The following TASP1 variants were observed in gnomAD, a reference collection of about 807,000 sequenced individuals.
TASP1 encodes threonine aspartase 1.
In TASP1, 16 loss-of-function variants were observed where a neutral mutation model predicts 56.6. The ratio of observed to expected loss-of-function variants is 0.28; its 90% confidence interval spans 0.19 to 0.43. The LOEUF is 0.43. Among genes scored for constraint, TASP1 ranks in the 20% least tolerant of loss-of-function variants. TASP1 has a pLI of 1.00. For synonymous variants in TASP1, 179 were observed against 184.2 expected, an observed-to-expected ratio of 0.97 and a Z score of 0.23; for missense variants, 393 against 511.6, an observed-to-expected ratio of 0.77 and a Z score of 2.24.
chr20:13,364,295 A>G, the TASP1 span, among the ~76,000 whole-genome samples: 8 of 152,150 alleles, frequency 5.3e-5, no homozygotes, highest in Admixed American at 4.6e-4. Context: ...ATGTTTGATG[A>G]TGAGAAATGA....
intron 13 of TASP1, chr20:13,393,562 C>T: frequency 1.2e-6 from 1 of 834,662 alleles, no homozygotes; most frequent in South Asian, 1.3e-5. Flanking sequence ...CATGCTGGGG[C>T]TGGCAATGCC....
chr20:13,333,764 C>T, the TASP1 span, among the ~76,000 whole-genome samples: 2 of 152,148 alleles, frequency 1.3e-5, no homozygotes, highest in Non-Finnish European at 2.9e-5. Flanking sequence ...GTTTTTATTA[C>T]TTTTTTATTT....
chr20:13,576,202 A>G, intron 6 of TASP1, among the ~76,000 whole-genome samples: 1 of 78,546 alleles, frequency 1.3e-5, no homozygotes, highest in Non-Finnish European at 2.4e-5. Context: ...ATTCCGAGAC[A>G]GAAGGGGGAG....
chr20:13,593,629 G>A (rs2047619331), intron 4 of TASP1, among the ~76,000 whole-genome samples: 2 of 152,208 alleles, frequency 1.3e-5, no homozygotes, highest in Non-Finnish European at 2.9e-5. Flanking sequence ...CAACCTGCGA[G>A]GCTGCAGCCT....
chr20:13,498,854 C>G (rs1254957037), intron 10 of TASP1, among the ~76,000 whole-genome samples: 1 of 149,632 alleles, frequency 6.7e-6, no homozygotes, highest in Middle Eastern at 3.3e-3. Flanking sequence ...CACTTATACA[C>G]TGTTGGTGGG....
the TASP1 span, among the ~76,000 whole-genome samples, chr20:13,207,832 C>T: frequency 1.3e-5 from 2 of 152,100 alleles, no homozygotes; most frequent in Admixed American, 6.6e-5. Flanking sequence ...ATCTCAGTCA[C>T]GTTGACACAT....
At chr20:13,175,540 C>T in the TASP1 span, among the ~76,000 whole-genome samples, 1 of 152,160 alleles carries the variant, frequency 6.6e-6, no homozygotes, top group Admixed American at 6.5e-5. Flanking sequence ...CAAAAATCCA[C>T]CCAAAGGCAT....
At chr20:13,483,386 C>T in intron 10 of TASP1, 49 bp from the exon 11 acceptor site, 1 of 1,303,096 alleles carries the variant, frequency 7.7e-7, no homozygotes, top group Non-Finnish European at 1.1e-6. Context: ...CACCGAACAC[C>T]CTGCTTATTT....
At chr20:13,507,804 G>A (rs557411606) in intron 10 of TASP1, among the ~76,000 whole-genome samples, 2 of 152,248 alleles carry the variant, frequency 1.3e-5, no homozygotes, top group East Asian at 3.9e-4. Flanking sequence ...AAGGGTGGAA[G>A]CATCATGTGT....
chr20:13,133,664 G>A, the TASP1 span, among the ~76,000 whole-genome samples: 1 of 152,176 alleles, frequency 6.6e-6, no homozygotes, highest in African/African-American at 2.4e-5. Context: ...AGCCCAGGAG[G>A]CGGAGGCTGC....
the TASP1 span, chr20:13,292,399 T>C: frequency 6.2e-7 from 1 of 1,606,238 alleles, no homozygotes. Context: ...TTAGGACAGC[T>C]GCCACCGAAG....
chr20:13,409,176 C>T (rs2042016426), intron 13 of TASP1, among the ~76,000 whole-genome samples: 1 of 151,934 alleles, frequency 6.6e-6, no homozygotes, highest in Admixed American at 6.6e-5. Flanking sequence ...TTGTCAGCTT[C>T]TCTTGGTAAA....
chr20:13,309,362 A>T, the TASP1 span, among the ~76,000 whole-genome samples: 2 of 152,202 alleles, frequency 1.3e-5, no homozygotes, highest in African/African-American at 4.8e-5. Flanking sequence ...GTATTTGACA[A>T]AATTGAATAT....
chr20:13,529,771 G>C (rs977713906), intron 9 of TASP1, among the ~76,000 whole-genome samples: 4 of 152,274 alleles, frequency 2.6e-5, no homozygotes, highest in Middle Eastern at 3.4e-3. Context: ...CTAAGACTGA[G>C]GATGGGGACC....
At chr20:13,536,697 T>C (rs6042206) in intron 8 of TASP1, among the ~76,000 whole-genome samples, 81 of 152,286 alleles carry the variant, frequency 5.3e-4, no homozygotes, top group African/African-American at 1.7e-3. Context: ...AAGTAAGGCA[T>C]AATGTAAAGT....
intron 11 of TASP1, among the ~76,000 whole-genome samples, chr20:13,459,017 A>C (rs1454393530): frequency 1.3e-5 from 2 of 152,152 alleles, no homozygotes; most frequent in African/African-American, 4.8e-5. Flanking sequence ...TCATGTCATG[A>C]GACAAGTTTG....
chr20:13,516,596 G>T (rs2044543279), intron 10 of TASP1, among the ~76,000 whole-genome samples: 1 of 151,608 alleles, frequency 6.6e-6, no homozygotes, highest in Non-Finnish European at 1.5e-5. Flanking sequence ...ACAATCAAAG[G>T]GAGAACTACA....
At chr20:13,280,409 A>C in the TASP1 span, among the ~76,000 whole-genome samples, 1 of 130,692 alleles carries the variant, frequency 7.7e-6, no homozygotes, top group Non-Finnish European at 1.6e-5. Context: ...CCCCCAATAC[A>C]TTTCAAAACT....
At chr20:13,261,375 G>A in the TASP1 span, among the ~76,000 whole-genome samples, 1 of 151,252 alleles carries the variant, frequency 6.6e-6, no homozygotes, top group Admixed American at 6.6e-5. Context: ...CCGAGATCGC[G>A]CCATTGCCCT....
Sources: allele counts gnomAD v4.1 joint callset (sites outside exome capture counted in the v4.1 genomes callset), GRCh38; gene constraint gnomAD v4.1.1; transcripts MANE v1.5; gene names NCBI Gene and HGNC (gene_info 2026-07-23, HGNC 2026-07-21).